C8orf82: variants seen among roughly 807,000 people sequenced by gnomAD.
C8orf82 encodes chromosome 8 open reading frame 82.
A neutral mutation model predicts 15.0 loss-of-function variants in C8orf82; 24 were observed. The ratio of observed to expected loss-of-function variants is 1.60; its 90% CI spans 1.16 to 2.24. The LOEUF is 2.24. C8orf82 is among the 30% of genes most tolerant of loss of function. The pLI, the probability that C8orf82 is intolerant of heterozygous loss-of-function variation, is 0.00. For synonymous variants in C8orf82, 205 were observed against 152.2 expected (o/e 1.35, Z -2.55); for missense variants, 388 against 317.4 (o/e 1.22, Z -1.69).
At chr8:144,528,615 C>CGGGGGGGGGGGGGGGG in intron 1 of C8orf82, 146 bp downstream of exon 1, 7 of 268,476 alleles carry the variant, frequency 2.6e-5, no homozygotes, top group Non-Finnish European at 4.1e-5. Context: ...CGCGCAGGCC[C>CGGGGGGGGGGGGGGGG]CGCCCACCCA....
Position 144,526,167 on chromosome 8 carries a change from A to C in C8orf82, c.*1175T>G, listed in dbSNP as rs2130801257. ...AGGACCAAGTGGCCTTGGTGTTTAA[A>C]TCTTGCCCTAAATTGTAACTCACAT... On this transcript the variant is annotated 3_prime_UTR_variant, in exon 3 of 3. Transcript: ENST00000524821. 6.6e-6 allele frequency: 1 copy of C among 152,350 alleles called. No individual in the cohort carries two copies. The highest frequency in any genetic ancestry group is 2.1e-4 in the South Asian group (1 of 4,828). The allele number at this position is 152,350 out of a possible 1,614,324, so 9.4% of individuals were successfully genotyped here.
rs1433246918 is a variant in C8orf82 at position 144,526,117 on chromosome 8, C to T, written c.*1225G>A. 6.6e-6 allele frequency: 1 copy of T among 152,226 alleles called. No individual in the cohort carries two copies. The highest frequency in any genetic ancestry group is 1.5e-5 in the Non-Finnish European group (1 of 68,050). 9.4% of individuals were successfully genotyped at this position (152,226 alleles called of 1,614,324 possible). On this transcript the variant is annotated 3_prime_UTR_variant, in exon 3 of 3. Coordinates refer to ENST00000524821, the MANE Select transcript of C8orf82 (RefSeq NM_001001795.2). ...ATTTGCCTGTCCATCAGCTCTTCCT[C>T]CTTTCGAGTCATGTGGAAAGGGACA...
intron 2 of C8orf82, 44 bp from the exon 3 acceptor site, chr8:144,527,831 A>G: frequency 6.3e-7 from 1 of 1,579,654 alleles, no homozygotes; most frequent in South Asian, 1.1e-5. Flanking sequence ...TGGGCTCCCA[A>G]GGCCTCCGGG....
chr8:144,528,251 T>C (rs1475006817), intron 1 of C8orf82, 179 bp from the exon 2 acceptor site: 13 of 1,492,596 alleles, frequency 8.7e-6, no homozygotes, highest in Non-Finnish European at 1.1e-5. Flanking sequence ...CGCCGACTTA[T>C]CCGCGTCTAT....
At position 144,527,218 on chromosome 8, in the gene C8orf82, G is replaced by A. The variant is rs1816398242; in HGVS notation, c.*124C>T. The A allele has an allele frequency of 1.6e-6, 1 of 615,772 alleles. No individual in the cohort carries two copies. The allele number at this position is 615,772 out of a possible 1,614,324, so 38.1% of individuals were successfully genotyped here. A position where few individuals can be genotyped will look rare whatever the true frequency, so the allele number is the denominator to read the frequency against. ...CCAAGGACAGCGCCGGGTGGGGGCG[G>A]GGCCGAGCGCGCAGGCGCACTAGGC... On this transcript the variant is annotated 3_prime_UTR_variant, in exon 3 of 3. Transcript: ENST00000524821.
rs1816397041 is a variant in C8orf82, at chr8:144,527,202, G to A, written c.*140C>T. On this transcript the variant is annotated 3_prime_UTR_variant, in exon 3 of 3. Transcript: ENST00000524821. ...CCGGGCCGCGGCAGCACCAAGGACAGCGCCGGGTGGGGGCGGGGCCGAGCG... is the reference window on the plus strand; with the variant it reads ...CCGGGCCGCGGCAGCACCAAGGACAACGCCGGGTGGGGGCGGGGCCGAGCG... 3.9e-6 allele frequency: 2 copies of A among 511,874 alleles called. No homozygotes were observed. Among genetic ancestry groups the A allele is most frequent in the South Asian group, 1.9e-4 (2 of 10,810 alleles). 31.7% of individuals were successfully genotyped at this position (511,874 alleles called of 1,614,324 possible). A position where few individuals can be genotyped will look rare whatever the true frequency, so the allele number is the denominator to read the frequency against.
chr8:144,528,709 CAGAG>C, intron 1 of C8orf82, 48 bp downstream of exon 1: 4 of 803,958 alleles, frequency 5.0e-6, no homozygotes, highest in Non-Finnish European at 4.9e-6. Context: ...CCGCCCCGCC[CAGAG>C]ACCTCTCCCG....
rs897755096 is a variant in C8orf82 at position 144,528,785 on chromosome 8, G to C, written c.132C>G (p.Phe44Leu). The C allele has an allele frequency of 2.6e-5, 37 of 1,437,634 alleles. No individual in the cohort carries two copies. Among genetic ancestry groups the C allele is most frequent in the Non-Finnish European group, 3.3e-5 (36 of 1,093,332 alleles). 89.1% of individuals were successfully genotyped at this position (1,437,634 alleles called of 1,614,324 possible). ...QSPEPRTREY[F>L]YYVDHQGQLF... ...CCTGGCCCTGGTGGTCCACGTAGTA[G>C]AAATACTCGCGGGTCCGCGGCTCCG... Residue 44 changes from phenylalanine (F) to leucine (L), a missense_variant, in exon 1 of 3, where the codon TTC (phenylalanine) becomes TTG (leucine). Coordinates refer to ENST00000524821, the MANE Select transcript of C8orf82 (RefSeq NM_001001795.2).
At position 144,525,963 on chromosome 8, in the gene C8orf82, G is replaced by C. The variant is rs951256626; in HGVS notation, c.*1379C>G. ...AAAGAAATGGGAAGGCTGGGGTCTG[G>C]TTTCAGGAACAAGGAGCCCAGTTTT... On this transcript the variant is annotated 3_prime_UTR_variant, in exon 3 of 3. Coordinates refer to ENST00000524821, the MANE Select transcript of C8orf82 (RefSeq NM_001001795.2). 1.3e-5 allele frequency: 2 copies of C among 152,132 alleles called. No individual in the cohort carries two copies. Among genetic ancestry groups the C allele is most frequent in the Non-Finnish European group, 2.9e-5 (2 of 68,038 alleles). 9.4% of individuals were successfully genotyped at this position (152,132 alleles called of 1,614,324 possible). A position where few individuals can be genotyped will look rare whatever the true frequency, so the allele number is the denominator to read the frequency against.
rs1186358095 is a variant in C8orf82, at chr8:144,528,988, A to C, written c.-72T>G. 15 of 1,389,322 alleles carry C rather than the reference A, an allele frequency of 1.1e-5. No homozygotes were observed. The highest frequency in any genetic ancestry group is 3.1e-5 in the East Asian group (1 of 32,226). The allele number at this position is 1,389,322 out of a possible 1,614,324, so 86.1% of individuals were successfully genotyped here. A position where few individuals can be genotyped will look rare whatever the true frequency, so the allele number is the denominator to read the frequency against. ...GCTGCGCGAACTCGCGCCTGCCCGCAGTAGCCCCGCGCTTCGCGTTCCGGC... is the reference window on the plus strand; with the variant it reads ...GCTGCGCGAACTCGCGCCTGCCCGCCGTAGCCCCGCGCTTCGCGTTCCGGC... On this transcript the variant is annotated 5_prime_UTR_variant, in exon 1 of 3. Coordinates refer to ENST00000524821, the MANE Select transcript of C8orf82 (RefSeq NM_001001795.2).
intron 2 of C8orf82, 29 bp from the exon 3 acceptor site, chr8:144,527,816 C>A: frequency 1.3e-6 from 2 of 1,588,692 alleles, no homozygotes; most frequent in Non-Finnish European, 1.7e-6. Context: ...GTGTACTCAG[C>A]GCGCTGGGCT....
Position 144,528,819 on chromosome 8 carries a change from C to A in C8orf82, c.98G>T (p.Gly33Val). Residue 33 changes from glycine to valine, a missense_variant, in exon 1 of 3, where the codon GGC becomes GTC. Gly to Val is a moderately radical substitution (Grantham distance 109). Coordinates refer to ENST00000524821, the MANE Select transcript of C8orf82 (RefSeq NM_001001795.2). ...GCGGGTCCGCGGCTCCGGACTCTGG[C>A]CCTGCGTGTAGGAAACGCCCCCATC... is the stretch of plus-strand genomic sequence containing the variant. Reference protein sequence around the residue: ...SGDGGVSYTQGQSPEPRTREY... With the variant: ...SGDGGVSYTQVQSPEPRTREY... 2 of 1,516,240 alleles carry A rather than the reference C, an allele frequency of 1.3e-6. No homozygotes were observed. The highest frequency in any genetic ancestry group is 1.8e-6 in the Non-Finnish European group (2 of 1,134,462). The allele number at this position is 1,516,240 out of a possible 1,614,324, so 93.9% of individuals were successfully genotyped here.
chr8:144,528,379 A>C, intron 1 of C8orf82: 1 of 1,494,400 alleles, frequency 6.7e-7, no homozygotes, highest in Non-Finnish European at 8.9e-7. Flanking sequence ...CCTCCCGGAC[A>C]TGCAGCTGCC....
chr8:144,528,744 G>A lies in C8orf82; in HGVS notation c.156+17C>T. On this transcript the variant is annotated intron_variant, in intron 1 of 2. Transcript: ENST00000524821. The stretch of plus-strand genomic sequence containing the variant: ...TCCCGGCCCCGCCTCTCGAGCAACG[G>A]CCCTGCCCCCGCCCACCTGGCCCTG... 1.9e-6 allele frequency: 2 copies of A among 1,035,634 alleles called. No homozygotes were observed. The highest frequency in any genetic ancestry group is 2.4e-6 in the Non-Finnish European group (2 of 821,696). 64.2% of individuals were successfully genotyped at this position (1,035,634 alleles called of 1,614,324 possible). A position where few individuals can be genotyped will look rare whatever the true frequency, so the allele number is the denominator to read the frequency against.
At position 144,527,046 on chromosome 8, in the gene C8orf82, G is replaced by A. The variant is rs908325243; in HGVS notation, c.*296C>T. The A allele has an allele frequency of 2.2e-4, 35 of 160,324 alleles. No individual in the cohort carries two copies. Among genetic ancestry groups the A allele is most frequent in the African/African-American group, 8.4e-4 (35 of 41,688 alleles). 9.9% of individuals were successfully genotyped at this position (160,324 alleles called of 1,614,324 possible). A position where few individuals can be genotyped will look rare whatever the true frequency, so the allele number is the denominator to read the frequency against. The stretch of plus-strand genomic sequence containing the variant: ...GCCGGGCTGGGAGGGGGCGGGGGAC[G>A]CTCGCGCACGCGCACCAGAGCCCCG... On this transcript the variant is annotated 3_prime_UTR_variant, in exon 3 of 3. Coordinates refer to ENST00000524821, the MANE Select transcript of C8orf82 (RefSeq NM_001001795.2).
chr8:144,528,268 C>G, intron 1 of C8orf82, 196 bp from the exon 2 acceptor site: 1 of 1,505,068 alleles, frequency 6.6e-7, no homozygotes. Flanking sequence ...CTATGCGCAC[C>G]TCTGCTCCCT....
Position 144,527,741 on chromosome 8 carries a change from G to A in C8orf82, c.252C>T (p.Arg84=). The A allele has an allele frequency of 6.3e-7, 1 of 1,594,088 alleles. No homozygotes were observed. Among genetic ancestry groups the A allele is most frequent in the South Asian group, 1.1e-5 (1 of 90,560 alleles). Residue 84 remains arginine, a synonymous_variant, in exon 3 of 3, where the codon CGC becomes CGT. Coordinates refer to ENST00000524821, the MANE Select transcript of C8orf82 (RefSeq NM_001001795.2). ...GGAAAGCGGCCTCGTAGCGCCCGCT[G>A]CGGTTGGGTCTCAGGCGGGAGAAGA... ...VTFFSRLRPN[R]SGRYEAAFPF...
chr8:144,528,616 C>CCGGGGGGGGGGGGGGGGGGGGG, intron 1 of C8orf82, 145 bp downstream of exon 1: 16 of 295,996 alleles, frequency 5.4e-5, no homozygotes, highest in Middle Eastern at 1.3e-3. Flanking sequence ...GCGCAGGCCC[C>CCGGGGGGGGGGGGGGGGGGGGG]GCCCACCCAC....
rs530782809 is a variant in C8orf82, at chr8:144,525,762, T to C, written c.*1580A>G. ...TCCCATGCCGGTCCCCAGAAAGGTG[T>C]CCTGTCTTTGGGGATAGATGGGGCC... On this transcript the variant is annotated 3_prime_UTR_variant, in exon 3 of 3. Transcript: ENST00000524821. 1.3e-5 allele frequency: 2 copies of C among 152,052 alleles called. No homozygotes were observed. Among genetic ancestry groups the C allele is most frequent in the African/African-American group, 2.4e-5 (1 of 41,360 alleles). 9.4% of individuals were successfully genotyped at this position (152,052 alleles called of 1,614,324 possible).
Sources: allele counts gnomAD v4.1 joint callset, GRCh38; gene constraint gnomAD v4.1.1; transcripts MANE v1.5; gene names NCBI Gene and HGNC (gene_info 2026-07-23, HGNC 2026-07-21).